HDAC4: variants seen among roughly 807,000 people sequenced by gnomAD.
HDAC4 encodes histone deacetylase 4, also known as histone deacetylase A.
A neutral mutation model predicts 135.1 loss-of-function variants in HDAC4; 16 were observed. The observed-to-expected ratio is 0.12, with a 90% confidence interval of 0.08 to 0.18. The LOEUF is 0.18. Among genes scored for constraint, HDAC4 ranks in the 10% least tolerant of loss-of-function variants. The pLI is 1.00. For synonymous variants in HDAC4, 685 were observed against 653.4 expected (o/e 1.05, Z -0.74); for missense variants, 1,143 against 1,511.8 (o/e 0.76, Z 4.05).
At chr2:239,386,923 T>C (rs1021254868) in intron 1 of HDAC4, among the ~76,000 whole-genome samples, 1 of 152,156 alleles carries the variant, frequency 6.6e-6, no homozygotes, top group African/African-American at 2.4e-5. Context: ...CCTTCCTCAT[T>C]AGGTGGCAGC....
rs896268917 is a variant in HDAC4 at position 239,052,930 on chromosome 2, T to C, written c.*167A>G. The C allele has an allele frequency of 2.7e-5, 21 of 767,280 alleles. No homozygotes were observed. The African/African-American group carries it at 3.6e-4, about 13-fold the overall frequency. The allele number at this position is 767,280 out of a possible 1,614,324, so 47.5% of individuals were successfully genotyped here. On this transcript the variant is annotated 3_prime_UTR_variant, in exon 27 of 27. Transcript: ENST00000543185. ...AGGCGTGCATGTGCGTCTCGAGACC[T>C]GTGGGCCTGGGCGGCAGAAAGGCTT...
chr2:239,336,841 T>C (rs1691970825), intron 2 of HDAC4, among the ~76,000 whole-genome samples: 1 of 152,246 alleles, frequency 6.6e-6, no homozygotes, highest in South Asian at 2.1e-4. Flanking sequence ...AGTTTCCCAC[T>C]AATGTCTTTT....
chr2:239,098,649 G>C (rs1575018557), intron 16 of HDAC4, among the ~76,000 whole-genome samples: 1 of 152,318 alleles, frequency 6.6e-6, no homozygotes, highest in African/African-American at 2.4e-5. Flanking sequence ...ACATCAGAAA[G>C]GAAATATGAA....
intron 2 of HDAC4, among the ~76,000 whole-genome samples, chr2:239,341,768 T>C (rs1256768473): frequency 2.6e-5 from 4 of 152,234 alleles, no homozygotes; most frequent in African/African-American, 4.8e-5. Flanking sequence ...TTAGCTCTTA[T>C]AATGAAAGGT....
At chr2:239,171,626 A>G (rs1290271949) in intron 5 of HDAC4, among the ~76,000 whole-genome samples, 1 of 152,244 alleles carries the variant, frequency 6.6e-6, no homozygotes, top group East Asian at 1.9e-4. Flanking sequence ...AAGAATTCAT[A>G]ACAGTATAAA....
At chr2:239,156,553 T>C (rs576490954) in intron 7 of HDAC4, 99 bp downstream of exon 7, 6 of 1,455,212 alleles carry the variant, frequency 4.1e-6, no homozygotes, top group Admixed American at 1.7e-5. Flanking sequence ...AGGTGATTCC[T>C]TCTCTAAGTG....
Position 239,052,972 on chromosome 2 carries a change from GCTGGGTGTCC to G in HDAC4, c.*115_*124del. 1.7e-6 allele frequency: 2 copies of G among 1,152,840 alleles called. No homozygotes were observed. Among genetic ancestry groups the G allele is most frequent in the East Asian group, 2.3e-5 (1 of 42,704 alleles). 71.4% of individuals were successfully genotyped at this position (1,152,840 alleles called of 1,614,324 possible). A position where few individuals can be genotyped will look rare whatever the true frequency, so the allele number is the denominator to read the frequency against. On this transcript the variant is annotated 3_prime_UTR_variant, in exon 27 of 27. Coordinates refer to ENST00000543185, the MANE Select transcript of HDAC4 (RefSeq NM_001378414.1). ...GAAAGGCTTCCCGTGGCTGTTGCAC[GCTGGGTGTCC>G]CTGGGTGCTCCAAGAGAGCCCCACG...
At chr2:239,254,547 G>A (rs1307720085) in intron 2 of HDAC4, among the ~76,000 whole-genome samples, 1 of 152,082 alleles carries the variant, frequency 6.6e-6, no homozygotes, top group Non-Finnish European at 1.5e-5. Flanking sequence ...ATTAGATCTA[G>A]TTAAAGATAA....
chr2:239,323,800 G>A (rs1008080222), intron 2 of HDAC4, among the ~76,000 whole-genome samples: 1 of 152,114 alleles, frequency 6.6e-6, no homozygotes, highest in African/African-American at 2.4e-5. Context: ...ACACCTGGGG[G>A]CCTGCACAGG....
At chr2:239,204,319 G>C (rs2045923690) in intron 3 of HDAC4, among the ~76,000 whole-genome samples, 2 of 152,234 alleles carry the variant, frequency 1.3e-5, no homozygotes, top group Non-Finnish European at 2.9e-5. Context: ...GGGCCCTCCA[G>C]TTCAGGCAGT....
intron 1 of HDAC4, among the ~76,000 whole-genome samples, chr2:239,377,128 G>A (rs1047053819): frequency 3.9e-5 from 6 of 152,162 alleles, no homozygotes; most frequent in African/African-American, 1.2e-4. Context: ...TCCCAAAGCC[G>A]GGGTGGGCTG....
At chr2:239,311,128 A>G (rs1207207478) in intron 2 of HDAC4, among the ~76,000 whole-genome samples, 2 of 152,160 alleles carry the variant, frequency 1.3e-5, no homozygotes, top group Non-Finnish European at 2.9e-5. Flanking sequence ...TTGTGGGGTC[A>G]AGCAGCATCA....
chr2:239,190,925 C>T (rs1410661204), intron 3 of HDAC4: 4 of 467,986 alleles, frequency 8.5e-6, no homozygotes, highest in Non-Finnish European at 1.3e-5. Flanking sequence ...ACCTGCGCAC[C>T]CCTTTTACGG....
intron 25 of HDAC4, among the ~76,000 whole-genome samples, chr2:239,054,451 C>T (rs1484517909): frequency 6.6e-6 from 1 of 152,134 alleles, no homozygotes; most frequent in Non-Finnish European, 1.5e-5. Flanking sequence ...CCGCTGCTAG[C>T]TGGGGACCTA....
At chr2:239,160,525 TCA>T (rs140842687) in intron 6 of HDAC4, among the ~76,000 whole-genome samples, 12,975 of 152,300 alleles carry the variant, frequency 0.085, 607 homozygotes, top group East Asian at 0.18. Context: ...CTGCTTTCTC[TCA>T]CAGTCGATTC....
intron 2 of HDAC4, among the ~76,000 whole-genome samples, chr2:239,263,053 C>A (rs1300910309): frequency 6.6e-6 from 1 of 152,160 alleles, no homozygotes; most frequent in Non-Finnish European, 1.5e-5. Flanking sequence ...CCCAAACACT[C>A]GGGACCAAGA....
chr2:239,064,540 C>T (rs933394855), intron 24 of HDAC4, among the ~76,000 whole-genome samples: 1 of 152,158 alleles, frequency 6.6e-6, no homozygotes, highest in Non-Finnish European at 1.5e-5. Flanking sequence ...GCCTGGGGCC[C>T]TAGAAAGGTG....
At chr2:239,351,064 C>A (rs1693119536) in intron 2 of HDAC4, among the ~76,000 whole-genome samples, 1 of 152,206 alleles carries the variant, frequency 6.6e-6, no homozygotes, top group Admixed American at 6.5e-5. Context: ...TATGCATCCT[C>A]TTACACTGGA....
chr2:239,096,731 C>T (rs1467802010), intron 16 of HDAC4, among the ~76,000 whole-genome samples: 8 of 136,114 alleles, frequency 5.9e-5, no homozygotes, highest in East Asian at 2.4e-4. Flanking sequence ...GCACCCCCCA[C>T]GGACATCCAC....
Sources: allele counts gnomAD v4.1 joint callset (sites outside exome capture counted in the v4.1 genomes callset), GRCh38; gene constraint gnomAD v4.1.1; transcripts MANE v1.5; gene names NCBI Gene and HGNC (gene_info 2026-07-23, HGNC 2026-07-21).